Variants in POC1A observed in about 807,000 individuals in gnomAD.
POC1A encodes the protein POC1 centriolar protein A.
A neutral mutation model predicts 47.8 loss-of-function variants in POC1A; 34 were observed. That is an observed-to-expected ratio of 0.71 (90% CI 0.54 to 0.95). POC1A has a LOEUF of 0.95. POC1A is among the 40% of genes least tolerant of loss of function. The pLI is 0.00. For synonymous variants in POC1A, 177 were observed against 207.6 expected (o/e 0.85, Z 1.27); for missense variants, 466 against 528.3 (o/e 0.88, Z 1.16).
At chr3:52,145,587 G>A (rs1698335973) in intron 6 of POC1A, among the ~76,000 whole-genome samples, 4 of 152,210 alleles carry the variant, frequency 2.6e-5, no homozygotes, top group Admixed American at 2.6e-4. Context: ...CAGTATGTGT[G>A]AGATTCTGCC....
At chr3:52,081,885 G>A (rs796528762) in intron 10 of POC1A, among the ~76,000 whole-genome samples, 1 of 152,140 alleles carries the variant, frequency 6.6e-6, no homozygotes, top group African/African-American at 2.4e-5. Context: ...AAAGTGGACA[G>A]AACCAGAGAT....
chr3:52,147,509 C>G (rs1198063462), intron 4 of POC1A, among the ~76,000 whole-genome samples: 1 of 152,044 alleles, frequency 6.6e-6, no homozygotes, highest in Non-Finnish European at 1.5e-5. Flanking sequence ...TCTCAGCTCA[C>G]TGCAGCCTCT....
intron 7 of POC1A, among the ~76,000 whole-genome samples, chr3:52,134,918 A>T (rs543672761): frequency 6.6e-6 from 1 of 152,316 alleles, no homozygotes; most frequent in Non-Finnish European, 1.5e-5. Flanking sequence ...CAATTCAGGA[A>T]GTGGCTGATA....
chr3:52,126,751 G>A (rs956782979), intron 7 of POC1A, among the ~76,000 whole-genome samples: 1 of 152,250 alleles, frequency 6.6e-6, no homozygotes, highest in African/African-American at 2.4e-5. Flanking sequence ...GGCAAAGAGA[G>A]GGTGACAAAG....
chr3:52,152,352 C>A (rs550328642), intron 1 of POC1A, among the ~76,000 whole-genome samples: 1 of 152,070 alleles, frequency 6.6e-6, no homozygotes, highest in East Asian at 1.9e-4. Flanking sequence ...GGCAGATTAC[C>A]TGAGGTCAAG....
chr3:52,088,800 T>C (rs1474664303), intron 10 of POC1A, among the ~76,000 whole-genome samples: 1 of 151,710 alleles, frequency 6.6e-6, no homozygotes, highest in Non-Finnish European at 1.5e-5. Flanking sequence ...GAGATGTCCC[T>C]GCATGGGCCT....
At position 52,122,408 on chromosome 3, in the gene POC1A, C is replaced by G. The variant is rs761046110; in HGVS notation, c.952G>C (p.Ala318Pro). 5 of 1,611,866 alleles carry G rather than the reference C, an allele frequency of 3.1e-6. No individual in the cohort carries two copies. In the South Asian group the frequency reaches 5.5e-5, roughly 18 times the overall value. ...GEVTKVPRPP[A>P]TLASSMGNLP... The stretch of plus-strand genomic sequence containing the variant: ...TTCCCCATGGAGCTGGCCAGTGTGG[C>G]TGGGGGCCTCGGCACTTTCGTGACT... The change falls in exon 9 of 11, where the codon GCC becomes CCC. Residue 318 changes from alanine to proline, a missense_variant. Coordinates refer to ENST00000296484, the MANE Select transcript of POC1A (RefSeq NM_015426.5).
intron 7 of POC1A, among the ~76,000 whole-genome samples, chr3:52,128,165 C>A (rs781040906): frequency 1.3e-5 from 2 of 152,180 alleles, no homozygotes; most frequent in Non-Finnish European, 2.9e-5. Context: ...CCAGAGCTCA[C>A]TGAGTGATGG....
intron 10 of POC1A, among the ~76,000 whole-genome samples, chr3:52,083,287 T>G (rs1702359013): frequency 6.6e-6 from 1 of 151,986 alleles, no homozygotes; most frequent in Admixed American, 6.5e-5. Flanking sequence ...GGGAGCATAG[T>G]GCTTCTGGAG....
chr3:52,087,289 C>T (rs1702490764), intron 10 of POC1A, among the ~76,000 whole-genome samples: 1 of 152,152 alleles, frequency 6.6e-6, no homozygotes, highest in Non-Finnish European at 1.5e-5. Context: ...AATGGAGCTC[C>T]CCTCTCATGC....
chr3:52,078,791 G>A (rs192959573), intron 10 of POC1A, among the ~76,000 whole-genome samples: 37 of 152,308 alleles, frequency 2.4e-4, no homozygotes, highest in African/African-American at 8.7e-4. Context: ...GAGCCCCTGC[G>A]CCCGGCTGAA....
At chr3:52,082,316 C>T (rs1000520207) in intron 10 of POC1A, among the ~76,000 whole-genome samples, 1 of 152,200 alleles carries the variant, frequency 6.6e-6, no homozygotes, top group Non-Finnish European at 1.5e-5. Context: ...TCCTGGAAAG[C>T]TCCTTGGTGG....
At chr3:52,092,617 T>C (rs1030509031) in intron 10 of POC1A, among the ~76,000 whole-genome samples, 3 of 152,110 alleles carry the variant, frequency 2.0e-5, no homozygotes, top group African/African-American at 4.8e-5. Context: ...ATGAAAACTA[T>C]GATGAGTATG....
chr3:52,081,782 T>C (rs1200704467), intron 10 of POC1A, among the ~76,000 whole-genome samples: 1 of 150,852 alleles, frequency 6.6e-6, no homozygotes, highest in African/African-American at 2.4e-5. Flanking sequence ...AGTCTGGGAG[T>C]GGGTTCATGG....
chr3:52,109,653 C>T (rs1452188569), intron 9 of POC1A, among the ~76,000 whole-genome samples: 1 of 152,140 alleles, frequency 6.6e-6, no homozygotes, highest in Non-Finnish European at 1.5e-5. Context: ...GTCCACGGAA[C>T]GTTCTGACCA....
chr3:52,140,245 G>A (rs927611995), intron 6 of POC1A, among the ~76,000 whole-genome samples: 25 of 152,188 alleles, frequency 1.6e-4, no homozygotes, highest in African/African-American at 5.3e-4. Context: ...AAGGCTTTAC[G>A]TAACATGATA....
intron 9 of POC1A, among the ~76,000 whole-genome samples, chr3:52,107,389 C>A (rs1703223669): frequency 6.6e-6 from 1 of 152,246 alleles, no homozygotes; most frequent in African/African-American, 2.4e-5. Context: ...TGAGTCTGTT[C>A]TGGAGTTCCT....
intron 10 of POC1A, among the ~76,000 whole-genome samples, chr3:52,093,488 T>C (rs942027909): frequency 1.3e-5 from 2 of 152,166 alleles, no homozygotes; most frequent in African/African-American, 4.8e-5. Context: ...ATAACGACAA[T>C]GGCAGCAACA....
intron 10 of POC1A, among the ~76,000 whole-genome samples, chr3:52,094,220 C>T (rs549619779): frequency 1.5e-4 from 23 of 152,206 alleles, no homozygotes; most frequent in Admixed American, 3.9e-4. Context: ...CAGGACTGGG[C>T]AGATGGCAAG....
Sources: allele counts gnomAD v4.1 joint callset (sites outside exome capture counted in the v4.1 genomes callset), GRCh38; gene constraint gnomAD v4.1.1; transcripts MANE v1.5; gene names NCBI Gene and HGNC (gene_info 2026-07-23, HGNC 2026-07-21).